Variants in RERE observed in about 807,000 individuals in gnomAD.
The protein encoded by RERE is arginine-glutamic acid dipeptide repeats.
RERE carries 40 observed loss-of-function variants against 146.1 expected under a neutral mutation model. That is an observed-to-expected ratio of 0.27 (90% CI 0.21 to 0.36). RERE has a LOEUF of 0.36. Among genes scored for constraint, RERE ranks in the 10% least tolerant of loss-of-function variants. The probability of loss-of-function intolerance (pLI) is 1.00; values close to 1 mark genes in which losing one functional copy is unlikely to be tolerated. For synonymous variants in RERE, 1,003 were observed against 866.0 expected, an observed-to-expected ratio of 1.16 and a Z score of -2.78; for missense variants, 1,933 against 2,138.7, an observed-to-expected ratio of 0.90 and a Z score of 1.90.
chr1:8,593,716 T>G (rs1646522221), intron 4 of RERE, among the ~76,000 whole-genome samples: 1 of 152,234 alleles, frequency 6.6e-6, no homozygotes, highest in South Asian at 2.1e-4. Flanking sequence ...GTTAAACGGC[T>G]AGAAAAGTTT....
intron 1 of RERE, among the ~76,000 whole-genome samples, chr1:8,697,354 C>A: frequency 6.6e-6 from 1 of 151,616 alleles, no homozygotes. Flanking sequence ...TAAATAAATA[C>A]ACATGTATCT....
At chr1:8,391,982 G>A (rs182228040) in intron 12 of RERE, among the ~76,000 whole-genome samples, 8 of 152,240 alleles carry the variant, frequency 5.3e-5, no homozygotes, top group South Asian at 2.1e-4. Flanking sequence ...AGCCAAGATC[G>A]CGCTATTGCA....
chr1:8,714,905 C>T (rs1639734383), intron 1 of RERE, among the ~76,000 whole-genome samples: 2 of 151,922 alleles, frequency 1.3e-5, no homozygotes, highest in African/African-American at 4.8e-5. Context: ...GACGGAGTCT[C>T]ACTCTGTCGC....
At chr1:8,613,573 C>G (rs545673661) in intron 4 of RERE, among the ~76,000 whole-genome samples, 1 of 152,244 alleles carries the variant, frequency 6.6e-6, no homozygotes, top group African/African-American at 2.4e-5. Context: ...TTCTACGACC[C>G]AAGATATTAA....
chr1:8,594,466 T>C (rs999529706), intron 4 of RERE, among the ~76,000 whole-genome samples: 1 of 152,194 alleles, frequency 6.6e-6, no homozygotes, highest in African/African-American at 2.4e-5. Flanking sequence ...ACAGTGAGAA[T>C]GTACTGCATT....
At chr1:8,605,843 A>C (rs1392151775) in intron 4 of RERE, among the ~76,000 whole-genome samples, 1 of 25,708 alleles carries the variant, frequency 3.9e-5, no homozygotes, top group East Asian at 1.5e-3. Context: ...TTAAATACCA[A>C]ACTTTTTTTT....
rs79683274 is a variant in RERE, at chr1:8,508,744, A to G, written c.831-69T>C. On this transcript the variant is annotated intron_variant, in intron 7 of 22. Transcript: ENST00000400908. ...TGACATAAACATTCACACATTTTTC[A>G]AAAAAAGTAATTCTCTTCAAATAAA... is the stretch of plus-strand genomic sequence containing the variant. The G allele has an allele frequency of 4.1e-6, 5 of 1,228,668 alleles. No individual in the cohort carries two copies. The African/African-American group carries it at 7.6e-5, about 19-fold the overall frequency. The allele number at this position is 1,228,668 out of a possible 1,614,324, so 76.1% of individuals were successfully genotyped here.
chr1:8,388,317 C>CCTT (rs1642754294), intron 12 of RERE, among the ~76,000 whole-genome samples: 1 of 146,898 alleles, frequency 6.8e-6, no homozygotes, highest in African/African-American at 2.5e-5. Context: ...TCTGTGCAAT[C>CCTT]TTTTTTTTTT....
chr1:8,501,353 G>A (rs1282994305), intron 8 of RERE, among the ~76,000 whole-genome samples: 3 of 94,278 alleles, frequency 3.2e-5, no homozygotes, highest in South Asian at 7.0e-4. Context: ...CACCCCGCCC[G>A]GCCAGCCGCC....
chr1:8,399,053 C>CTCATCTT (rs1291040842), intron 12 of RERE, among the ~76,000 whole-genome samples: 20 of 151,832 alleles, frequency 1.3e-4, no homozygotes, highest in Non-Finnish European at 2.4e-4. Flanking sequence ...ACTACCTGTT[C>CTCATCTT]TCATCTTTCA....
At chr1:8,525,836 T>C in intron 7 of RERE, 2 of 1,541,052 alleles carry the variant, frequency 1.3e-6, no homozygotes, top group South Asian at 1.3e-5. Flanking sequence ...CTTTACTTTC[T>C]GCTAAAACTC....
intron 2 of RERE, among the ~76,000 whole-genome samples, chr1:8,627,751 C>T (rs764017173): frequency 2.0e-5 from 3 of 152,042 alleles, no homozygotes; most frequent in Admixed American, 6.5e-5. Context: ...AGATATAAAG[C>T]TAACTTACAT....
intron 1 of RERE, among the ~76,000 whole-genome samples, chr1:8,790,932 G>A (rs1641353624): frequency 6.6e-6 from 1 of 152,118 alleles, no homozygotes. Flanking sequence ...GTTTCATAAT[G>A]AACTGAAAAA....
At chr1:8,660,496 T>G (rs868720418) in intron 1 of RERE, among the ~76,000 whole-genome samples, 2 of 152,230 alleles carry the variant, frequency 1.3e-5, no homozygotes, top group Non-Finnish European at 1.5e-5. Context: ...TCATCCTCGC[T>G]TTACAGTCTA....
chr1:8,370,056 C>T (rs1259175204), intron 12 of RERE, among the ~76,000 whole-genome samples: 1 of 152,052 alleles, frequency 6.6e-6, no homozygotes, highest in Non-Finnish European at 1.5e-5. Flanking sequence ...TCCCAAAGTG[C>T]TGGGATTACA....
At chr1:8,654,193 C>G (rs1487185269) in intron 2 of RERE, among the ~76,000 whole-genome samples, 1 of 152,032 alleles carries the variant, frequency 6.6e-6, no homozygotes, top group African/African-American at 2.4e-5. Flanking sequence ...TCTCATCACA[C>G]TCCCAGCTAA....
At chr1:8,680,474 T>C (rs1417557827) in intron 1 of RERE, among the ~76,000 whole-genome samples, 1 of 152,054 alleles carries the variant, frequency 6.6e-6, no homozygotes, top group Non-Finnish European at 1.5e-5. Flanking sequence ...ATGGAGAGGA[T>C]TCCATAGAAA....
intron 11 of RERE, among the ~76,000 whole-genome samples, chr1:8,460,616 T>C (rs958287115): frequency 2.6e-5 from 4 of 152,220 alleles, no homozygotes; most frequent in Non-Finnish European, 5.9e-5. Flanking sequence ...TTCACCTCAA[T>C]GTATTACATC....
At chr1:8,626,806 T>A (rs778551398) in intron 2 of RERE, among the ~76,000 whole-genome samples, 2 of 152,212 alleles carry the variant, frequency 1.3e-5, no homozygotes, top group Non-Finnish European at 2.9e-5. Flanking sequence ...CCTCTCCGGT[T>A]TATTCTCCAA....
Sources: allele counts gnomAD v4.1 joint callset (sites outside exome capture counted in the v4.1 genomes callset), GRCh38; gene constraint gnomAD v4.1.1; transcripts MANE v1.5; gene names NCBI Gene and HGNC (gene_info 2026-07-23, HGNC 2026-07-21).